Variants in PDE7B observed in about 807,000 individuals in gnomAD.
PDE7B encodes 3',5'-cyclic-AMP phosphodiesterase 7B.
A neutral mutation model predicts 56.2 loss-of-function variants in PDE7B; 29 were observed. The ratio of observed to expected loss-of-function variants is 0.52; its 90% CI spans 0.38 to 0.70. The LOEUF (loss-of-function observed/expected upper bound fraction) is 0.70. Ranked by LOEUF, PDE7B falls within the 30% of genes least tolerant of loss-of-function variation. PDE7B has a pLI of 0.00. For synonymous variants in PDE7B, 197 were observed against 196.9 expected, an observed-to-expected ratio of 1.00 and a Z score of 0.00; for missense variants, 490 against 565.0, an observed-to-expected ratio of 0.87 and a Z score of 1.35.
intron 2 of PDE7B, among the ~76,000 whole-genome samples, chr6:135,961,997 G>A (rs889840242): frequency 4.6e-5 from 7 of 152,104 alleles, no homozygotes; most frequent in Admixed American, 6.6e-5. Flanking sequence ...GATTTGGGAT[G>A]ATAATGATGT....
chr6:135,989,322 A>G (rs1658672195), intron 2 of PDE7B, among the ~76,000 whole-genome samples: 1 of 152,182 alleles, frequency 6.6e-6, no homozygotes, highest in African/African-American at 2.4e-5. Flanking sequence ...ATAAAAATGT[A>G]CGTTATCAGG....
rs1271787678 is a variant in PDE7B at position 135,969,451 on chromosome 6, T to G, written c.82+21927T>G. The stretch of plus-strand genomic sequence containing the variant: ...AGAGCTTGTTAGCATGAAATCATAT[T>G]TCAGGGTCTTCCTTGGCTCATTAGA... On this transcript the variant is annotated intron_variant, in intron 2 of 12. Coordinates refer to ENST00000308191, the MANE Select transcript of PDE7B (RefSeq NM_018945.4). Among the ~76,000 whole-genome samples, 10 of 152,280 alleles carry G rather than the reference T, an allele frequency of 6.6e-5. No homozygotes were observed. In the East Asian group the frequency reaches 1.2e-3, roughly 18 times the overall value.
At chr6:136,149,796 T>C (rs1778481161) in intron 5 of PDE7B, among the ~76,000 whole-genome samples, 1 of 152,210 alleles carries the variant, frequency 6.6e-6, no homozygotes, top group Non-Finnish European at 1.5e-5. Context: ...ATGAAAGACA[T>C]CACATTTAAT....
At chr6:136,010,977 T>C (rs958859756) in intron 2 of PDE7B, among the ~76,000 whole-genome samples, 2 of 152,180 alleles carry the variant, frequency 1.3e-5, no homozygotes, top group African/African-American at 4.8e-5. Flanking sequence ...GGAAATTACA[T>C]GCTCTCTAGT....
intron 2 of PDE7B, among the ~76,000 whole-genome samples, chr6:135,991,677 G>T (rs111668741): frequency 2.6e-4 from 39 of 152,080 alleles, no homozygotes; most frequent in African/African-American, 8.7e-4. Flanking sequence ...ATTTTTCTTC[G>T]AATGCTTTTT....
intron 1 of PDE7B, among the ~76,000 whole-genome samples, chr6:135,933,698 TAAA>T (rs1774333799): frequency 1.3e-5 from 2 of 149,316 alleles, no homozygotes; most frequent in Admixed American, 1.4e-4. Context: ...AACTATCAGT[TAAA>T]TGATAATCAT....
chr6:135,998,278 G>GT lies in PDE7B; in HGVS notation c.82+50760dup, dbSNP rs1317183818. 6.6e-5 allele frequency among the ~76,000 whole-genome samples: 10 copies of GT among 152,222 alleles called. No homozygotes were observed. The South Asian group carries it at 1.9e-3, about 28-fold the overall frequency. The stretch of plus-strand genomic sequence containing the variant: ...CAGTTGGAATTCAGTTTTCTGGATA[G>GT]TTTTTTACACAGTTTTTTGTGTAGA... On this transcript the variant is annotated intron_variant, in intron 2 of 12. Transcript: ENST00000308191.
At position 136,006,125 on chromosome 6, in the gene PDE7B, T is replaced by A. The variant is rs190245701; in HGVS notation, c.82+58601T>A. 1.7e-3 allele frequency among the ~76,000 whole-genome samples: 249 copies of A among 147,194 alleles called. 2 individuals carry two copies. In the East Asian group the frequency reaches 0.028, roughly 17 times the overall value. On this transcript the variant is annotated intron_variant, in intron 2 of 12. Coordinates refer to ENST00000308191, the MANE Select transcript of PDE7B (RefSeq NM_018945.4). Reference sequence around the variant, plus strand: ...CAAGGACAAAAAACCAAACACTGCATGTTCTCACTCATAGGTGGGAATTGA... The same window carrying A: ...CAAGGACAAAAAACCAAACACTGCAAGTTCTCACTCATAGGTGGGAATTGA...
chr6:136,071,890 A>C (rs1777055397), intron 2 of PDE7B, among the ~76,000 whole-genome samples: 1 of 152,260 alleles, frequency 6.6e-6, no homozygotes. Flanking sequence ...AGTAACAAGT[A>C]AATGTATTTT....
At chr6:135,941,498 T>C (rs1774506439) in intron 1 of PDE7B, among the ~76,000 whole-genome samples, 1 of 152,236 alleles carries the variant, frequency 6.6e-6, no homozygotes, top group Non-Finnish European at 1.5e-5. Context: ...TCAGTGATGC[T>C]TCCTAGTTTT....
intron 1 of PDE7B, among the ~76,000 whole-genome samples, chr6:135,925,609 GA>G (rs1011251201): frequency 3.0e-4 from 46 of 151,134 alleles, no homozygotes; most frequent in African/African-American, 1.1e-3. Context: ...ACTTCAGCAT[GA>G]AAAAAAAATT....
At chr6:136,036,147 C>T (rs111962344) in intron 2 of PDE7B, among the ~76,000 whole-genome samples, 4,153 of 152,162 alleles carry the variant, frequency 0.027, 185 homozygotes, top group African/African-American at 0.087. Flanking sequence ...AGTCTTGATG[C>T]CCCCAGCCTG....
chr6:135,938,981 A>G (rs1774464184), intron 1 of PDE7B, among the ~76,000 whole-genome samples: 1 of 152,250 alleles, frequency 6.6e-6, no homozygotes, highest in South Asian at 2.1e-4. Context: ...ATGTAATAAA[A>G]TGCTGAGAGA....
chr6:135,909,478 C>T (rs1481459631), intron 1 of PDE7B, among the ~76,000 whole-genome samples: 4 of 152,060 alleles, frequency 2.6e-5, no homozygotes, highest in East Asian at 1.9e-4. Context: ...TGGTGGTGTG[C>T]GCCTATAATC....
chr6:136,143,026 A>C (rs1033770249), intron 3 of PDE7B, among the ~76,000 whole-genome samples: 1 of 152,090 alleles, frequency 6.6e-6, no homozygotes, highest in Admixed American at 6.6e-5. Context: ...CCGTTAGTTG[A>C]TGCAGTTTCT....
At chr6:136,050,199 C>T (rs917351800) in intron 2 of PDE7B, among the ~76,000 whole-genome samples, 3 of 152,276 alleles carry the variant, frequency 2.0e-5, no homozygotes, top group South Asian at 2.1e-4. Context: ...CTCCGTGATG[C>T]GTGATGGCAC....
chr6:135,885,338 T>G (rs942983535), intron 1 of PDE7B, among the ~76,000 whole-genome samples: 1 of 151,798 alleles, frequency 6.6e-6, no homozygotes, highest in Non-Finnish European at 1.5e-5. Context: ...GTTTTTTTTT[T>G]TTTTTATCTC....
rs1045159121 is a variant in PDE7B, at chr6:136,191,638, C to T, written c.1151C>T (p.Pro384Leu). ...QIGFMSYIVE[P>L]LFREWAHFTG... ...GGTTTCATGAGCTACATCGTGGAGC[C>T]GCTCTTCCGGGAATGGGCCCATTTC... The change falls in exon 13 of 13, where the codon CCG (proline) becomes CTG (leucine). Residue 384 changes from proline (P) to leucine (L), a missense_variant. Physicochemically the swap from Pro to Leu is moderately conservative, Grantham distance 98. Coordinates refer to ENST00000308191, the MANE Select transcript of PDE7B (RefSeq NM_018945.4). 1.9e-6 allele frequency: 3 copies of T among 1,614,082 alleles called. No homozygotes were observed. Among genetic ancestry groups the T allele is most frequent in the Non-Finnish European group, 2.5e-6 (3 of 1,179,958 alleles).
At chr6:136,131,932 T>C (rs1188783793) in intron 3 of PDE7B, among the ~76,000 whole-genome samples, 1 of 152,222 alleles carries the variant, frequency 6.6e-6, no homozygotes, top group Admixed American at 6.6e-5. Flanking sequence ...TTTCAGCCTT[T>C]ACAACTTTAT....
Sources: allele counts gnomAD v4.1 joint callset (sites outside exome capture counted in the v4.1 genomes callset), GRCh38; gene constraint gnomAD v4.1.1; transcripts MANE v1.5; gene names NCBI Gene and HGNC (gene_info 2026-07-23, HGNC 2026-07-21).